Variants in IQCK observed in about 807,000 individuals in gnomAD.
The protein encoded by IQCK is IQ motif containing K.
A neutral mutation model predicts 28.1 loss-of-function variants in IQCK; 29 were observed. That is an observed-to-expected ratio of 1.03 (90% CI 0.77 to 1.41). The LOEUF (loss-of-function observed/expected upper bound fraction) is 1.41, where lower values mean the gene tolerates loss of function less well. Ranked by LOEUF, IQCK falls within the 40% of genes most tolerant of loss-of-function variation. IQCK has a pLI of 0.00. For missense variants in IQCK, 359 were observed against 314.7 expected (o/e 1.14, Z -1.07); for synonymous variants, 113 against 115.1 (o/e 0.98, Z 0.12).
chr16:19,803,293 C>T (rs1174590655), intron 7 of IQCK, among the ~76,000 whole-genome samples: 3 of 152,168 alleles, frequency 2.0e-5, no homozygotes, highest in Non-Finnish European at 2.9e-5. Flanking sequence ...CAGGCGCACG[C>T]CACTGCACCC....
chr16:19,748,734 C>T (rs367864090), intron 4 of IQCK, among the ~76,000 whole-genome samples: 31 of 152,194 alleles, frequency 2.0e-4, no homozygotes, highest in African/African-American at 6.7e-4. Flanking sequence ...GATGGACTCT[C>T]CTTGTCATTC....
intron 7 of IQCK, among the ~76,000 whole-genome samples, chr16:19,823,288 G>A (rs557321777): frequency 6.6e-5 from 10 of 152,222 alleles, no homozygotes; most frequent in African/African-American, 1.7e-4. Flanking sequence ...GGGAGCAGCC[G>A]ACCCCTTTAG....
chr16:19,802,796 T>C lies in IQCK; in HGVS notation c.690+13874T>C, dbSNP rs2055776130. 1.3e-5 allele frequency among the ~76,000 whole-genome samples: 2 copies of C among 152,166 alleles called. 1 individual carries two copies. Among genetic ancestry groups the C allele is most frequent in the South Asian group, 4.1e-4 (2 of 4,824 alleles). On this transcript the variant is annotated intron_variant, in intron 7 of 7. Coordinates refer to ENST00000564186, the Ensembl canonical transcript of IQCK. ...GGCTTCCTTCACTTGGCTCCATGCG[T>C]TTGCTGTTGTCCCACGTGTTTGGGT...
chr16:19,821,382 C>T (rs1416185177), intron 7 of IQCK, among the ~76,000 whole-genome samples: 1 of 152,132 alleles, frequency 6.6e-6, no homozygotes, highest in Non-Finnish European at 1.5e-5. Flanking sequence ...AGCAATTCGA[C>T]TTCTAGGTCT....
At chr16:19,779,787 G>A (rs761999998) in intron 6 of IQCK, among the ~76,000 whole-genome samples, 144 of 148,812 alleles carry the variant, frequency 9.7e-4, no homozygotes, top group Admixed American at 2.3e-3. Context: ...GTGCGATCTC[G>A]GCTCACTGCA....
At chr16:19,820,073 G>A (rs6497406) in intron 7 of IQCK, among the ~76,000 whole-genome samples, 152,095 of 152,218 alleles carry the variant, frequency 1, 75,986 homozygotes, top group East Asian at 1. Flanking sequence ...ACCCCACACC[G>A]TATATAAAAA....
chr16:19,853,004 A>G (rs925546904), intron 9 of IQCK, among the ~76,000 whole-genome samples: 5 of 152,180 alleles, frequency 3.3e-5, no homozygotes, highest in African/African-American at 1.2e-4. Context: ...TCACTGGTCA[A>G]GTAGACCACA....
chr16:19,772,380 C>T (rs1320210249), intron 6 of IQCK, among the ~76,000 whole-genome samples: 1 of 151,096 alleles, frequency 6.6e-6, no homozygotes, highest in Non-Finnish European at 1.5e-5. Context: ...TAATTGGATC[C>T]CAATTCAAAA....
intron 6 of IQCK, among the ~76,000 whole-genome samples, chr16:19,771,419 C>G (rs2055319854): frequency 6.6e-6 from 1 of 152,138 alleles, no homozygotes; most frequent in South Asian, 2.1e-4. Context: ...ATGCAGACAT[C>G]TTTAGGACCC....
At position 19,825,792 on chromosome 16, in the gene IQCK, T is replaced by C. The variant is rs1316399221; in HGVS notation, c.691-1234T>C. Among the ~76,000 whole-genome samples, 1 of 152,358 alleles carries C rather than the reference T, an allele frequency of 6.6e-6. No homozygotes were observed. The highest frequency in any genetic ancestry group is 1.9e-4 in the East Asian group (1 of 5,190). ...AAATTACTATTATTCATCTCTTTAA[T>C]CTCAACGTCTAGCACAAAAGTTGGT... On this transcript the variant is annotated intron_variant, in intron 7 of 7. Transcript: ENST00000564186. This position sits in a 1 kb window ranked among gnomAD's most constrained non-coding sequence, Gnocchi z 4.2.
rs567635911 is a variant in IQCK at position 19,857,187 on chromosome 16, G to A, written c.*639G>A. On this transcript the variant is annotated 3_prime_UTR_variant, in exon 10 of 10. Transcript: ENST00000320394. Reference sequence around the variant, plus strand: ...ACCTTAATATGTTCTGTGGTTTGCTGTTAACCAAGATTCTCCCATTTAAAA... The same window carrying A: ...ACCTTAATATGTTCTGTGGTTTGCTATTAACCAAGATTCTCCCATTTAAAA... 9.7e-5 allele frequency: 25 copies of A among 258,352 alleles called. No homozygotes were observed. The South Asian group carries it at 1.0e-3, about 10-fold the overall frequency. The allele number at this position is 258,352 out of a possible 1,614,324, so 16.0% of individuals were successfully genotyped here. A position where few individuals can be genotyped will look rare whatever the true frequency, so the allele number is the denominator to read the frequency against.
intron 6 of IQCK, among the ~76,000 whole-genome samples, chr16:19,781,560 A>T (rs2055484874): frequency 6.6e-6 from 1 of 152,208 alleles, no homozygotes; most frequent in Non-Finnish European, 1.5e-5. Context: ...AGCTGTTCGT[A>T]TGTTCACAGA....
At chr16:19,821,734 C>T (rs565118988) in intron 7 of IQCK, among the ~76,000 whole-genome samples, 1 of 152,112 alleles carries the variant, frequency 6.6e-6, no homozygotes, top group South Asian at 2.1e-4. Flanking sequence ...CACAAATGTT[C>T]ATAGCAACCC....
chr16:19,849,158 TTAGA>T (rs748480101), intron 9 of IQCK, among the ~76,000 whole-genome samples: 84 of 152,296 alleles, frequency 5.5e-4, no homozygotes, highest in Admixed American at 7.2e-4. Flanking sequence ...GGTGATTCTT[TTAGA>T]AAGTTTCCCC....
At chr16:19,855,340 C>G (rs1177740443) in intron 9 of IQCK, among the ~76,000 whole-genome samples, 2 of 152,188 alleles carry the variant, frequency 1.3e-5, no homozygotes, top group Non-Finnish European at 2.9e-5. Flanking sequence ...ACCTGTAACC[C>G]CAGCACTTTG....
chr16:19,781,799 G>A (rs2055488470), intron 6 of IQCK, among the ~76,000 whole-genome samples: 2 of 152,022 alleles, frequency 1.3e-5, no homozygotes, highest in Admixed American at 6.5e-5. Flanking sequence ...GACCAGCCTG[G>A]CCAACATGGT....
chr16:19,767,831 A>G (rs1338104352), intron 6 of IQCK, among the ~76,000 whole-genome samples: 2 of 151,914 alleles, frequency 1.3e-5, no homozygotes, highest in Admixed American at 6.6e-5. Context: ...CTCCTGTATC[A>G]GTGGTACCAC....
chr16:19,722,658 C>A (rs1977530870), intron 1 of IQCK, among the ~76,000 whole-genome samples: 1 of 152,074 alleles, frequency 6.6e-6, no homozygotes. Flanking sequence ...ACGCCAACAA[C>A]TTATCTCCAT....
At chr16:19,850,549 C>G (rs887534014) in intron 9 of IQCK, among the ~76,000 whole-genome samples, 3 of 152,106 alleles carry the variant, frequency 2.0e-5, no homozygotes, top group Admixed American at 6.6e-5. Flanking sequence ...TCCTTGTAAC[C>G]CCAGGCCCCA....
Sources: allele counts gnomAD v4.1 joint callset (sites outside exome capture counted in the v4.1 genomes callset), GRCh38; gene constraint gnomAD v4.1.1; non-coding constraint Gnocchi (gnomAD v3.1); transcripts MANE v1.5; gene names NCBI Gene and HGNC (gene_info 2026-07-23, HGNC 2026-07-21).